Variants in TCF12 observed in about 807,000 individuals in gnomAD.
TCF12 encodes the protein transcription factor 12, also known as DNA-binding protein HTF4.
TCF12 carries 45 observed loss-of-function variants against 86.0 expected under a neutral mutation model. The observed-to-expected ratio is 0.52, with a 90% CI of 0.41 to 0.67. The LOEUF (loss-of-function observed/expected upper bound fraction) is 0.67, where lower values mean the gene tolerates loss of function less well. Among genes scored for constraint, TCF12 ranks in the 30% least tolerant of loss-of-function variants. TCF12 has a pLI of 0.00. For missense variants in TCF12, 881 were observed against 859.9 expected (o/e 1.02, Z -0.31); for synonymous variants, 330 against 299.6 (o/e 1.10, Z -1.05).
intron 5 of TCF12, among the ~76,000 whole-genome samples, chr15:57,127,925 T>C (rs1353665242): frequency 2.6e-5 from 4 of 152,198 alleles, no homozygotes; most frequent in African/African-American, 9.7e-5. Flanking sequence ...CATCGGAATA[T>C]CTAATTCTGA....
intron 5 of TCF12, among the ~76,000 whole-genome samples, chr15:57,108,021 T>C (rs887930176): frequency 2.7e-4 from 41 of 152,370 alleles, no homozygotes; most frequent in African/African-American, 9.6e-4. Flanking sequence ...ATGAGTGATA[T>C]TAGCAAGTGA....
chr15:57,020,121 A>T (rs1238539364), intron 3 of TCF12, among the ~76,000 whole-genome samples: 1 of 152,218 alleles, frequency 6.6e-6, no homozygotes, highest in African/African-American at 2.4e-5. Context: ...AAACCCAGTC[A>T]TGTTTAATTG....
chr15:57,282,204 A>C, intron 19 of TCF12: 1 of 528,528 alleles, frequency 1.9e-6, no homozygotes, highest in East Asian at 3.4e-5. Flanking sequence ...ATTTAAATCA[A>C]ATCAAACCCT....
At chr15:57,086,864 T>C (rs1894165241) in intron 4 of TCF12, among the ~76,000 whole-genome samples, 1 of 152,142 alleles carries the variant, frequency 6.6e-6, no homozygotes, top group Non-Finnish European at 1.5e-5. Context: ...GGAAAGATCC[T>C]CTGGTGATGA....
At chr15:57,074,486 C>G (rs1180137664) in intron 4 of TCF12, among the ~76,000 whole-genome samples, 1 of 151,822 alleles carries the variant, frequency 6.6e-6, no homozygotes, top group Non-Finnish European at 1.5e-5. Flanking sequence ...TTTTTAAATG[C>G]CCAACAAGAA....
chr15:57,274,096 A>C (rs2061269441), intron 19 of TCF12, among the ~76,000 whole-genome samples: 1 of 152,190 alleles, frequency 6.6e-6, no homozygotes, highest in African/African-American at 2.4e-5. Context: ...CAAGGAATTC[A>C]TAGATGTGGC....
intron 5 of TCF12, among the ~76,000 whole-genome samples, chr15:57,119,184 C>T (rs2151280572): frequency 6.6e-6 from 1 of 152,222 alleles, no homozygotes; most frequent in Middle Eastern, 3.4e-3. Flanking sequence ...TCTCCACCTC[C>T]CCAGTTCAAG....
At chr15:57,151,050 C>CT (rs2053716786) in intron 5 of TCF12, among the ~76,000 whole-genome samples, 1 of 151,586 alleles carries the variant, frequency 6.6e-6, no homozygotes, top group Admixed American at 6.6e-5. Flanking sequence ...GCGATCATAG[C>CT]TCACTGTAAC....
chr15:57,202,495 G>T (rs995968198), intron 8 of TCF12, among the ~76,000 whole-genome samples: 2 of 148,598 alleles, frequency 1.3e-5, no homozygotes, highest in Non-Finnish European at 3.0e-5. Flanking sequence ...GCGTGCAGTG[G>T]CATGATCTCA....
intron 13 of TCF12, chr15:57,247,924 C>T (rs2059935890): frequency 5.3e-6 from 4 of 759,584 alleles, no homozygotes; most frequent in African/African-American, 1.7e-5. Flanking sequence ...AAAGCTCAGA[C>T]CACCAGTAAA....
chr15:57,238,568 C>G (rs2059474993), intron 12 of TCF12, among the ~76,000 whole-genome samples: 1 of 152,198 alleles, frequency 6.6e-6, no homozygotes, highest in South Asian at 2.1e-4. Flanking sequence ...ATAACAAGCT[C>G]TTTTGCCCTT....
intron 8 of TCF12, among the ~76,000 whole-genome samples, chr15:57,211,064 G>A (rs1252469415): frequency 6.6e-6 from 1 of 152,120 alleles, no homozygotes; most frequent in Non-Finnish European, 1.5e-5. Flanking sequence ...TTATTTGAAG[G>A]GCATAGCCAT....
chr15:56,931,346 T>C (rs1297477944), intron 3 of TCF12, among the ~76,000 whole-genome samples: 2 of 152,216 alleles, frequency 1.3e-5, no homozygotes, highest in Non-Finnish European at 2.9e-5. Context: ...CTGATATTTC[T>C]CTGGTCAGTT....
intron 5 of TCF12, among the ~76,000 whole-genome samples, chr15:57,137,911 C>T (rs2052671045): frequency 6.6e-6 from 1 of 152,088 alleles, no homozygotes; most frequent in South Asian, 2.1e-4. Flanking sequence ...TCTGTAATCC[C>T]AGCTACTCAA....
intron 5 of TCF12, among the ~76,000 whole-genome samples, chr15:57,161,524 T>C (rs1473955953): frequency 1.3e-5 from 2 of 152,212 alleles, no homozygotes; most frequent in Non-Finnish European, 2.9e-5. Flanking sequence ...AAGTTATGTG[T>C]CTGATGGTTT....
chr15:57,255,312 T>C (rs2060297364), intron 16 of TCF12, among the ~76,000 whole-genome samples: 1 of 152,198 alleles, frequency 6.6e-6, no homozygotes, highest in African/African-American at 2.4e-5. Context: ...CAAAGCCACC[T>C]AGAAACCTAG....
At chr15:57,058,359 A>T (rs1230081661) in intron 3 of TCF12, among the ~76,000 whole-genome samples, 1 of 152,214 alleles carries the variant, frequency 6.6e-6, no homozygotes. Context: ...AGCAAAATCT[A>T]TGTATGAAAG....
At chr15:57,089,965 AG>A (rs1372997637) in intron 4 of TCF12, among the ~76,000 whole-genome samples, 2 of 152,218 alleles carry the variant, frequency 1.3e-5, no homozygotes, top group African/African-American at 4.8e-5. Flanking sequence ...CTGTAATTCC[AG>A]CGCTTTGGGA....
At chr15:56,971,369 G>A (rs1235353695) in intron 3 of TCF12, among the ~76,000 whole-genome samples, 1 of 152,146 alleles carries the variant, frequency 6.6e-6, no homozygotes, top group African/African-American at 2.4e-5. Flanking sequence ...GGAGGTTGCA[G>A]TGAGCCGAGA....
Sources: gnomAD v4.1 joint callset for allele counts (sites outside exome capture counted in the v4.1 genomes callset) on GRCh38, gnomAD v4.1.1 for gene constraint, MANE v1.5 for transcripts, NCBI Gene and HGNC (gene_info 2026-07-23, HGNC 2026-07-21) for gene names.